PTPN12: variants seen among roughly 807,000 people sequenced by gnomAD.
The protein encoded by PTPN12 is tyrosine-protein phosphatase non-receptor type 12.
Under a neutral mutation model 97.6 loss-of-function variants are expected in PTPN12, and 29 were observed. The ratio of observed to expected loss-of-function variants is 0.30; its 90% CI spans 0.22 to 0.41. PTPN12 has a LOEUF of 0.41. Ranked by LOEUF, PTPN12 falls within the 10% of genes least tolerant of loss-of-function variation. The pLI is 1.00. For missense variants in PTPN12, 819 were observed against 926.0 expected, an observed-to-expected ratio of 0.88 and a Z score of 1.50; for synonymous variants, 327 against 300.4, an observed-to-expected ratio of 1.09 and a Z score of -0.91.
At chr7:77,610,163 A>G (rs192173338) in intron 9 of PTPN12, among the ~76,000 whole-genome samples, 211 of 152,340 alleles carry the variant, frequency 1.4e-3, no homozygotes, top group Non-Finnish European at 2.6e-3. Context: ...AGAATTGTCT[A>G]GGTCGTTTCA....
intron 5 of PTPN12, among the ~76,000 whole-genome samples, chr7:77,587,858 TTTATG>T (rs1787742659): frequency 1.3e-5 from 2 of 152,198 alleles, no homozygotes; most frequent in Non-Finnish European, 2.9e-5. Flanking sequence ...ATCTCGCACT[TTTATG>T]TTATGGGGAC....
chr7:77,537,735 C>T (rs1806725454), intron 1 of PTPN12, 90 bp downstream of exon 1: 1 of 1,354,746 alleles, frequency 7.4e-7, no homozygotes, highest in South Asian at 1.4e-5. Context: ...CTTTGTGTAC[C>T]TCTGTGAGGA....
chr7:77,600,582 G>C (rs760576445), intron 7 of PTPN12, 82 bp from the exon 8 acceptor site: 60 of 1,203,760 alleles, frequency 5.0e-5, no homozygotes, highest in Non-Finnish European at 6.4e-5. Flanking sequence ...AAATTTCTTA[G>C]AAATGGCAGT....
chr7:77,571,692 ATATTTTATTTATT>A (rs1376603260), intron 2 of PTPN12, among the ~76,000 whole-genome samples: 13 of 135,168 alleles, frequency 9.6e-5, no homozygotes, highest in African/African-American at 3.6e-4. Context: ...CATTCTAATG[ATATTTTATTTATT>A]TATTTATTTA....
chr7:77,593,558 C>T (rs1451742164), intron 6 of PTPN12, among the ~76,000 whole-genome samples: 1 of 152,200 alleles, frequency 6.6e-6, no homozygotes, highest in African/African-American at 2.4e-5. Context: ...GTTGTAGAAT[C>T]AGGATGAGCC....
At chr7:77,537,706 C>T (rs562203825) in intron 1 of PTPN12, 61 bp downstream of exon 1, 10 of 1,507,022 alleles carry the variant, frequency 6.6e-6, no homozygotes, top group Admixed American at 4.1e-5. Context: ...CGCCGCCTCT[C>T]CCGGCCGGGC....
intron 6 of PTPN12, among the ~76,000 whole-genome samples, chr7:77,594,443 A>G (rs895208081): frequency 6.6e-6 from 1 of 152,220 alleles, no homozygotes; most frequent in African/African-American, 2.4e-5. Flanking sequence ...AGATTCCTCG[A>G]CAGTGTAGAA....
At chr7:77,553,449 G>T (rs1210254973) in intron 1 of PTPN12, among the ~76,000 whole-genome samples, 1 of 152,112 alleles carries the variant, frequency 6.6e-6, no homozygotes, top group Non-Finnish European at 1.5e-5. Context: ...ATCAGTTTTG[G>T]CTCACATATT....
chr7:77,595,476 C>T (rs931002475), intron 6 of PTPN12, among the ~76,000 whole-genome samples: 6 of 152,114 alleles, frequency 3.9e-5, no homozygotes, highest in African/African-American at 1.4e-4. Context: ...TCACATGTTG[C>T]CACATGTAAG....
chr7:77,554,176 C>T (rs987580191), intron 1 of PTPN12, among the ~76,000 whole-genome samples: 1 of 152,156 alleles, frequency 6.6e-6, no homozygotes, highest in African/African-American at 2.4e-5. Flanking sequence ...CCATGTTGCC[C>T]AGGCTGTCAA....
chr7:77,565,355 T>G (rs1455227977), intron 1 of PTPN12, among the ~76,000 whole-genome samples: 1 of 152,236 alleles, frequency 6.6e-6, no homozygotes, highest in East Asian at 1.9e-4. Context: ...GACAATTAGC[T>G]ATATTTTTGC....
intron 11 of PTPN12, 106 bp from the exon 12 acceptor site, chr7:77,618,374 T>G: frequency 1.4e-6 from 1 of 705,624 alleles, no homozygotes; most frequent in Non-Finnish European, 2.3e-6. Context: ...CTTGGCAAAA[T>G]TGGCATTGTT....
rs546392781 is a variant in PTPN12, at chr7:77,557,086, C to T, written c.100-13992C>T. On this transcript the variant is annotated intron_variant, in intron 1 of 17. Transcript: ENST00000248594. ...GCCTCATGTGATCCTCCCACCTCAG[C>T]CTCCCTAGTAGCTGGGACTACAGAT... 1.1e-3 allele frequency among the ~76,000 whole-genome samples: 173 copies of T among 152,200 alleles called. 1 individual carries two copies. The highest frequency in any genetic ancestry group is 3.5e-3 in the African/African-American group (147 of 41,534).
intron 1 of PTPN12, among the ~76,000 whole-genome samples, chr7:77,554,785 TC>T (rs1302841750): frequency 6.6e-6 from 1 of 152,164 alleles, no homozygotes. Flanking sequence ...GCTCAACCAG[TC>T]CTTTTGCCCT....
chr7:77,627,759 T>C, intron 13 of PTPN12, 84 bp downstream of exon 13: 2 of 1,330,820 alleles, frequency 1.5e-6, no homozygotes, highest in South Asian at 1.7e-5. Flanking sequence ...TGATTTATTA[T>C]GTTTTATTCC....
intron 1 of PTPN12, among the ~76,000 whole-genome samples, chr7:77,549,570 T>TTTTG (rs996830645): frequency 6.6e-6 from 1 of 151,850 alleles, no homozygotes; most frequent in African/African-American, 2.4e-5. Flanking sequence ...AAGTTTGGGT[T>TTTTG]TTTGTTTGTT....
At chr7:77,599,302 C>T (rs1788119100) in intron 7 of PTPN12, among the ~76,000 whole-genome samples, 1 of 147,350 alleles carries the variant, frequency 6.8e-6, no homozygotes, top group African/African-American at 2.5e-5. Flanking sequence ...GTTGAAACCC[C>T]CCACAGCGCC....
At chr7:77,558,678 T>C (rs1057398184) in intron 1 of PTPN12, among the ~76,000 whole-genome samples, 1 of 152,164 alleles carries the variant, frequency 6.6e-6, no homozygotes, top group East Asian at 1.9e-4. Context: ...TTGGGAGAAT[T>C]TCCATTATCC....
chr7:77,605,254 A>G (rs1382688958), intron 8 of PTPN12, among the ~76,000 whole-genome samples: 2 of 152,174 alleles, frequency 1.3e-5, no homozygotes, highest in East Asian at 1.9e-4. Flanking sequence ...CAAAATATGC[A>G]TTAAAATGTT....
Sources: gnomAD v4.1 joint callset for allele counts (sites outside exome capture counted in the v4.1 genomes callset) on GRCh38, gnomAD v4.1.1 for gene constraint, MANE v1.5 for transcripts, NCBI Gene and HGNC (gene_info 2026-07-23, HGNC 2026-07-21) for gene names.